STOX2: variants seen among roughly 807,000 people sequenced by gnomAD.
STOX2 encodes storkhead box 2, also known as storkhead-box protein 2.
A neutral mutation model predicts 60.9 loss-of-function variants in STOX2; 28 were observed. The ratio of observed to expected loss-of-function variants is 0.46; its 90% CI spans 0.34 to 0.63. The LOEUF (loss-of-function observed/expected upper bound fraction) is 0.63, where lower values mean the gene tolerates loss of function less well. Among genes scored for constraint, STOX2 ranks in the 30% least tolerant of loss-of-function variants. The probability of loss-of-function intolerance (pLI) is 0.01; values close to 1 mark genes in which losing one functional copy is unlikely to be tolerated. For synonymous variants in STOX2, 472 were observed against 463.9 expected, an observed-to-expected ratio of 1.02 and a Z score of -0.22; for missense variants, 1,024 against 1,187.7, an observed-to-expected ratio of 0.86 and a Z score of 2.03.
At chr4:183,804,675 G>A (rs894965027) in intron 1 of STOX2, among the ~76,000 whole-genome samples, 1 of 152,194 alleles carries the variant, frequency 6.6e-6, no homozygotes, top group Admixed American at 6.5e-5. Flanking sequence ...TCTAAACAGT[G>A]AACAAGGATG....
intron 1 of STOX2, among the ~76,000 whole-genome samples, chr4:183,815,398 G>A (rs1421177421): frequency 1.3e-5 from 2 of 151,992 alleles, no homozygotes; most frequent in Non-Finnish European, 2.9e-5. Flanking sequence ...GTCTAATGAT[G>A]ATGACACTTA....
At chr4:183,840,380 C>G (rs79776702) in intron 1 of STOX2, among the ~76,000 whole-genome samples, 3 of 152,182 alleles carry the variant, frequency 2.0e-5, no homozygotes, top group Admixed American at 2.0e-4. Context: ...GAGGAATTCT[C>G]TCGGTAATTT....
intron 1 of STOX2, among the ~76,000 whole-genome samples, chr4:183,965,553 T>C (rs1055127525): frequency 1.3e-5 from 2 of 152,206 alleles, no homozygotes; most frequent in Non-Finnish European, 2.9e-5. Flanking sequence ...TTAGACAGTT[T>C]TATCATCTGT....
upstream of STOX2, among the ~76,000 whole-genome samples, chr4:183,900,648 GT>G (rs1254931410): frequency 6.6e-6 from 1 of 152,036 alleles, no homozygotes; most frequent in Non-Finnish European, 1.5e-5. Flanking sequence ...TTTCCTTAAG[GT>G]TTTACATTCA....
intron 1 of STOX2, among the ~76,000 whole-genome samples, chr4:183,984,571 A>C (rs1051620307): frequency 6.6e-6 from 1 of 152,160 alleles, no homozygotes; most frequent in Non-Finnish European, 1.5e-5. Flanking sequence ...GCACCTGATA[A>C]ATATTTTTAA....
In STOX2 at chr4:184,009,024, A is replaced by T; in HGVS notation, c.320-134A>T. On this transcript the variant is annotated intron_variant, in intron 2 of 3. Transcript: ENST00000308497. The surrounding 1 kb of genome is among the most constrained non-coding windows in gnomAD (Gnocchi z 4.0). ...AGGATTTGCACTGAACTTAATGAAC[A>T]CCTTTGTCTGAATTGTGCATCCTAG... 1 of 680,164 alleles carries T rather than the reference A, an allele frequency of 1.5e-6. No homozygotes were observed. Among genetic ancestry groups the T allele is most frequent in the Non-Finnish European group, 2.4e-6 (1 of 410,740 alleles). 42.1% of individuals were successfully genotyped at this position (680,164 alleles called of 1,614,324 possible).
At chr4:183,874,615 TTA>T (rs996948383) in intron 1 of STOX2, among the ~76,000 whole-genome samples, 2 of 135,210 alleles carry the variant, frequency 1.5e-5, no homozygotes, top group Non-Finnish European at 3.3e-5. Flanking sequence ...AACAGGGCAC[TTA>T]TATATGCAGA....
At chr4:183,983,187 C>T (rs577320045) in intron 1 of STOX2, among the ~76,000 whole-genome samples, 4 of 152,334 alleles carry the variant, frequency 2.6e-5, no homozygotes, top group South Asian at 4.1e-4. Flanking sequence ...CCCCTTTACT[C>T]GCCCATCCTG....
intron 1 of STOX2, among the ~76,000 whole-genome samples, chr4:183,943,195 G>T (rs1742798180): frequency 6.6e-6 from 1 of 152,186 alleles, no homozygotes; most frequent in South Asian, 2.1e-4. Context: ...CAGTGACCGT[G>T]TGTTTGCAAC....
intron 1 of STOX2, among the ~76,000 whole-genome samples, chr4:183,840,575 G>A (rs1041782596): frequency 6.6e-6 from 1 of 152,146 alleles, no homozygotes; most frequent in African/African-American, 2.4e-5. Context: ...TGTGGCAGTG[G>A]TTATTTGCTG....
chr4:183,990,066 CTG>C (rs1180665261), intron 1 of STOX2, among the ~76,000 whole-genome samples: 1 of 152,244 alleles, frequency 6.6e-6, no homozygotes, highest in African/African-American at 2.4e-5. Flanking sequence ...CCTTTCTCCA[CTG>C]TCAGAGGTCT....
chr4:184,021,846 C>T lies in STOX2; in HGVS notation c.*4562C>T, dbSNP rs950945835. The stretch of plus-strand genomic sequence containing the variant: ...GATGATCTTTGATGGGGATCTCCTC[C>T]GTCACCACAGGCCAGTCACAGAACC... On this transcript the variant is annotated 3_prime_UTR_variant, in exon 4 of 4. Transcript: ENST00000308497. 4 of 152,172 alleles carry T rather than the reference C, an allele frequency of 2.6e-5. No homozygotes were observed. The highest frequency in any genetic ancestry group is 4.4e-5 in the Non-Finnish European group (3 of 68,076). The allele number at this position is 152,172 out of a possible 1,614,324, so 9.4% of individuals were successfully genotyped here.
intron 1 of STOX2, among the ~76,000 whole-genome samples, chr4:183,917,274 A>T (rs1268743765): frequency 6.6e-6 from 1 of 152,254 alleles, no homozygotes; most frequent in African/African-American, 2.4e-5. Context: ...GTGGATCGGT[A>T]ATCGTGACCC....
intron 1 of STOX2, among the ~76,000 whole-genome samples, chr4:183,969,176 A>G (rs1743666170): frequency 6.6e-6 from 1 of 152,276 alleles, no homozygotes; most frequent in East Asian, 1.9e-4. Context: ...ATCTGAATAG[A>G]TCATTAAGAA....
At chr4:183,841,942 C>G (rs1276372994) in intron 1 of STOX2, among the ~76,000 whole-genome samples, 1 of 152,158 alleles carries the variant, frequency 6.6e-6, no homozygotes, top group Admixed American at 6.5e-5. Flanking sequence ...ATTATTAATA[C>G]CAGCCTTACT....
intron 1 of STOX2, among the ~76,000 whole-genome samples, chr4:183,860,266 T>C (rs1299863716): frequency 1.3e-5 from 2 of 152,130 alleles, no homozygotes; most frequent in African/African-American, 4.8e-5. Context: ...CTCATCATTA[T>C]ACAGAAAAGG....
intron 1 of STOX2, among the ~76,000 whole-genome samples, chr4:183,920,368 G>A (rs1275871873): frequency 6.6e-6 from 1 of 151,988 alleles, no homozygotes; most frequent in Non-Finnish European, 1.5e-5. Flanking sequence ...TTGGCCTCCC[G>A]AAGTGCTGGG....
intron 1 of STOX2, among the ~76,000 whole-genome samples, chr4:183,930,595 C>T (rs185159451): frequency 6.6e-6 from 1 of 150,506 alleles, no homozygotes; most frequent in East Asian, 2.0e-4. Context: ...TTTGTTCAAG[C>T]CATCCTCCTG....
chr4:183,838,499 C>T (rs759753222), intron 1 of STOX2, among the ~76,000 whole-genome samples: 7 of 152,042 alleles, frequency 4.6e-5, no homozygotes, highest in African/African-American at 1.4e-4. Context: ...ATGAACATAT[C>T]TATATAAATC....
Sources: allele counts gnomAD v4.1 joint callset (sites outside exome capture counted in the v4.1 genomes callset), GRCh38; gene constraint gnomAD v4.1.1; non-coding constraint Gnocchi (gnomAD v3.1); transcripts MANE v1.5; gene names NCBI Gene and HGNC (gene_info 2026-07-23, HGNC 2026-07-21).